DACH1: variants seen among roughly 807,000 people sequenced by gnomAD.
DACH1 encodes dachshund family transcription factor 1.
In DACH1, 12 loss-of-function variants were observed where a neutral mutation model predicts 54.2. That is an observed-to-expected ratio of 0.22 (90% CI 0.14 to 0.36). The LOEUF is 0.36. Among genes scored for constraint, DACH1 ranks in the 10% least tolerant of loss-of-function variants. The pLI is 1.00. For synonymous variants in DACH1, 386 were observed against 366.2 expected, an observed-to-expected ratio of 1.05 and a Z score of -0.62; for missense variants, 805 against 929.8, an observed-to-expected ratio of 0.87 and a Z score of 1.75.
intron 2 of DACH1, among the ~76,000 whole-genome samples, chr13:71,643,664 A>G (rs1878065051): frequency 6.6e-6 from 1 of 152,198 alleles, no homozygotes; most frequent in African/African-American, 2.4e-5. Context: ...AGAAGAAGAA[A>G]AACAGCCAAG....
rs1225419267 is a variant in DACH1, at chr13:71,866,512, G to A, written c.258C>T (p.Gly86=). 3 of 1,215,298 alleles carry A rather than the reference G, an allele frequency of 2.5e-6. No homozygotes were observed. Among genetic ancestry groups the A allele is most frequent in the Non-Finnish European group, 2.0e-6 (2 of 982,126 alleles). The allele number at this position is 1,215,298 out of a possible 1,614,324, so 75.3% of individuals were successfully genotyped here. Residue 86 remains glycine (G), a synonymous_variant, in exon 1 of 11, where the codon GGC becomes GGT. Transcript: ENST00000613252. ...GGGGGGSGGG[G]GSSGNGGGGG... is the part of the protein sequence containing the mutation. ...CGCCGCCTCCGTTGCCGCTGCTGCC[G>A]CCGCCGCCTCCGCTGCCGCCGCCGC...
intron 1 of DACH1, among the ~76,000 whole-genome samples, chr13:71,706,891 T>C (rs1455325887): frequency 1.3e-5 from 2 of 152,326 alleles, no homozygotes; most frequent in Admixed American, 6.5e-5. Flanking sequence ...GAGTTTACTG[T>C]CGCTATTTAA....
At chr13:71,745,344 C>G (rs1379040498) in intron 1 of DACH1, among the ~76,000 whole-genome samples, 3 of 152,258 alleles carry the variant, frequency 2.0e-5, no homozygotes, top group Non-Finnish European at 4.4e-5. Context: ...ATGGCATCTC[C>G]AAAAGATAAT....
chr13:71,841,064 GGC>G (rs747119702), intron 1 of DACH1, among the ~76,000 whole-genome samples: 74 of 152,012 alleles, frequency 4.9e-4, no homozygotes, highest in Non-Finnish European at 9.0e-4. Flanking sequence ...TCATTTTCCT[GGC>G]AGCTGTATAT....
At chr13:71,715,151 C>T (rs1199970976) in intron 1 of DACH1, among the ~76,000 whole-genome samples, 6 of 152,016 alleles carry the variant, frequency 3.9e-5, no homozygotes, top group Non-Finnish European at 8.8e-5. Context: ...CATGTATCTC[C>T]GACTTCAAAG....
chr13:71,555,991 A>G (rs910831618), intron 6 of DACH1, among the ~76,000 whole-genome samples: 1 of 152,330 alleles, frequency 6.6e-6, no homozygotes, highest in Admixed American at 6.5e-5. Context: ...TTGTAGAAAT[A>G]TACTCCTTCT....
chr13:71,505,055 T>C (rs916954816), intron 6 of DACH1, among the ~76,000 whole-genome samples: 4 of 152,152 alleles, frequency 2.6e-5, no homozygotes, highest in Non-Finnish European at 4.4e-5. Flanking sequence ...AACACATATA[T>C]TTGTTAATTA....
chr13:71,778,199 A>G (rs780325781), intron 1 of DACH1, among the ~76,000 whole-genome samples: 2 of 152,038 alleles, frequency 1.3e-5, no homozygotes, highest in Non-Finnish European at 2.9e-5. Flanking sequence ...ATTTCTCTCA[A>G]TTTACAAAAG....
intron 2 of DACH1, among the ~76,000 whole-genome samples, chr13:71,638,036 T>C (rs1594026743): frequency 6.6e-6 from 1 of 152,330 alleles, no homozygotes; most frequent in Non-Finnish European, 1.5e-5. Flanking sequence ...TCAAATTTAA[T>C]AGTTAAATAA....
At chr13:71,707,003 C>T (rs1171944353) in intron 1 of DACH1, among the ~76,000 whole-genome samples, 1 of 152,160 alleles carries the variant, frequency 6.6e-6, no homozygotes, top group African/African-American at 2.4e-5. Flanking sequence ...GATAAACACA[C>T]ATTTGAATGT....
At chr13:71,717,816 A>T (rs1314182107) in intron 1 of DACH1, among the ~76,000 whole-genome samples, 4 of 152,052 alleles carry the variant, frequency 2.6e-5, no homozygotes, top group Non-Finnish European at 5.9e-5. Context: ...CATCAGTCAG[A>T]TCTTTAGATC....
chr13:71,474,049 A>G (rs1220395707), intron 10 of DACH1, among the ~76,000 whole-genome samples: 1 of 152,158 alleles, frequency 6.6e-6, no homozygotes, highest in Non-Finnish European at 1.5e-5. Flanking sequence ...CTATATCTAC[A>G]ATAGCATTAA....
At chr13:71,718,385 G>A (rs1273186606) in intron 1 of DACH1, among the ~76,000 whole-genome samples, 2 of 151,930 alleles carry the variant, frequency 1.3e-5, no homozygotes, top group East Asian at 3.9e-4. Context: ...AGGAGTTCAA[G>A]ACCAGTCTGG....
chr13:71,592,365 T>C (rs1873772380), intron 3 of DACH1, among the ~76,000 whole-genome samples: 1 of 151,098 alleles, frequency 6.6e-6, no homozygotes, highest in African/African-American at 2.4e-5. Context: ...CGTGGTGACA[T>C]CCACCCGTGG....
chr13:71,635,063 G>T (rs1168895900), intron 2 of DACH1, among the ~76,000 whole-genome samples: 1 of 152,146 alleles, frequency 6.6e-6, no homozygotes, highest in Non-Finnish European at 1.5e-5. Context: ...AACATCTGCT[G>T]CGGTGCTTGG....
chr13:71,819,486 G>A (rs1422179240), intron 1 of DACH1, among the ~76,000 whole-genome samples: 1 of 152,178 alleles, frequency 6.6e-6, no homozygotes, highest in Non-Finnish European at 1.5e-5. Flanking sequence ...TGTGGTCCTG[G>A]TCTGGGATTG....
intron 6 of DACH1, among the ~76,000 whole-genome samples, chr13:71,504,727 T>C (rs1455621573): frequency 6.6e-6 from 1 of 152,214 alleles, no homozygotes; most frequent in Non-Finnish European, 1.5e-5. Context: ...AACCATTTCA[T>C]TCTTATGTAA....
intron 1 of DACH1, among the ~76,000 whole-genome samples, chr13:71,770,819 T>C (rs1885823166): frequency 6.6e-6 from 1 of 151,584 alleles, no homozygotes; most frequent in African/African-American, 2.4e-5. Context: ...CAAAACTATG[T>C]ACAGAATAGC....
At chr13:71,590,551 T>C (rs1354182694) in intron 3 of DACH1, among the ~76,000 whole-genome samples, 2 of 152,166 alleles carry the variant, frequency 1.3e-5, no homozygotes, top group African/African-American at 2.4e-5. Context: ...TTGTGAAGGA[T>C]ACATTTTCAT....
Sources: allele counts gnomAD v4.1 joint callset (sites outside exome capture counted in the v4.1 genomes callset), GRCh38; gene constraint gnomAD v4.1.1; transcripts MANE v1.5; gene names NCBI Gene and HGNC (gene_info 2026-07-23, HGNC 2026-07-21).